LAMA2: variants seen among roughly 807,000 people sequenced by gnomAD.
LAMA2 encodes laminin subunit alpha 2.
Under a neutral mutation model 364.8 loss-of-function variants are expected in LAMA2, and 269 were observed. That is an observed-to-expected ratio of 0.74 (90% CI 0.67 to 0.82). LAMA2 has a LOEUF of 0.82. Among genes scored for constraint, LAMA2 ranks in the 40% least tolerant of loss-of-function variants. The pLI is 0.00. For missense variants in LAMA2, 3,807 were observed against 3,873.2 expected (o/e 0.98, Z 0.45); for synonymous variants, 1,379 against 1,370.6 (o/e 1.01, Z -0.14).
chr6:129,230,696 A>G (rs192269330), intron 12 of LAMA2, among the ~76,000 whole-genome samples: 137 of 152,246 alleles, frequency 9.0e-4, no homozygotes, highest in Non-Finnish European at 1.1e-3. Context: ...AAGCAAGGTC[A>G]GTCAACAGGT....
At chr6:129,139,516 T>C (rs1583116123) in intron 4 of LAMA2, among the ~76,000 whole-genome samples, 1 of 152,282 alleles carries the variant, frequency 6.6e-6, no homozygotes, top group East Asian at 1.9e-4. Flanking sequence ...ATAGGTTATA[T>C]GCACATACTA....
chr6:129,441,029 C>G (rs745885337), intron 43 of LAMA2, 31 bp downstream of exon 43: 272 of 1,567,926 alleles, frequency 1.7e-4, no homozygotes, highest in Non-Finnish European at 2.2e-4. Flanking sequence ...GTGATGATGT[C>G]ATTTATTTCC....
At chr6:129,330,744 A>G (rs1775598380) in intron 29 of LAMA2, among the ~76,000 whole-genome samples, 1 of 151,764 alleles carries the variant, frequency 6.6e-6, no homozygotes, top group African/African-American at 2.4e-5. Context: ...TAACCAGCTT[A>G]ATAGTCATGA....
intron 56 of LAMA2, among the ~76,000 whole-genome samples, chr6:129,488,486 C>G (rs1784706780): frequency 6.6e-6 from 1 of 152,098 alleles, no homozygotes; most frequent in African/African-American, 2.4e-5. Flanking sequence ...GTCCTTTTAA[C>G]AGGTGCTTCT....
rs1774319003 is a variant in LAMA2, at chr6:129,312,916, G to A, written c.3230G>A (p.Gly1077Asp). The change falls in exon 23 of 65, where the codon GGC becomes GAC. Residue 1077 changes from glycine (G) to aspartate (D), a missense_variant. Around this residue, in one of 3 missense-constraint regions of LAMA2, gnomAD observed 3,333 missense variants for 3,345.7 expected, o/e 1.00. Coordinates refer to ENST00000421865, the MANE Select transcript of LAMA2 (RefSeq NM_000426.4). ...GATTTCCAATGCAATGTAAATACAGGCCAATGCAACTGTCATCCAAAATTC... is the reference window on the plus strand; with the variant it reads ...GATTTCCAATGCAATGTAAATACAGACCAATGCAACTGTCATCCAAAATTC... Reference protein sequence around the residue: ...SLDFQCNVNTGQCNCHPKFSG... With the variant: ...SLDFQCNVNTDQCNCHPKFSG... 6.2e-7 allele frequency: 1 copy of A among 1,614,162 alleles called. No homozygotes were observed. Among genetic ancestry groups the A allele is most frequent in the South Asian group, 1.1e-5 (1 of 91,076 alleles).
chr6:129,219,421 A>G (rs1783643801), intron 12 of LAMA2, among the ~76,000 whole-genome samples: 2 of 151,790 alleles, frequency 1.3e-5, no homozygotes, highest in African/African-American at 4.8e-5. Flanking sequence ...CAGTGTGGTG[A>G]TTCCTCAGGG....
chr6:129,036,954 A>G (rs1315023721), intron 1 of LAMA2, among the ~76,000 whole-genome samples: 1 of 152,230 alleles, frequency 6.6e-6, no homozygotes, highest in East Asian at 1.9e-4. Context: ...TCTGCAGTGC[A>G]CAGCTGGAAA....
intron 12 of LAMA2, among the ~76,000 whole-genome samples, chr6:129,222,711 A>G (rs1425187561): frequency 6.6e-6 from 1 of 152,068 alleles, no homozygotes; most frequent in East Asian, 1.9e-4. Context: ...CATGGTGTAT[A>G]CATGCCACAT....
chr6:129,228,045 C>T (rs1784435097), intron 12 of LAMA2, among the ~76,000 whole-genome samples: 1 of 152,190 alleles, frequency 6.6e-6, no homozygotes, highest in African/African-American at 2.4e-5. Context: ...GCCCCTCTCC[C>T]AACCTTGCTG....
intron 1 of LAMA2, among the ~76,000 whole-genome samples, chr6:128,918,096 G>A (rs1358960701): frequency 6.6e-6 from 1 of 152,004 alleles, no homozygotes; most frequent in African/African-American, 2.4e-5. Flanking sequence ...TTGTTATAAA[G>A]TGGTATGGGT....
intron 4 of LAMA2, among the ~76,000 whole-genome samples, chr6:129,126,757 A>T (rs1321492230): frequency 6.6e-6 from 1 of 152,234 alleles, no homozygotes; most frequent in Non-Finnish European, 1.5e-5. Context: ...AGCATATATC[A>T]TAGTGACATA....
Position 129,121,142 on chromosome 6 carries a change from C to T in LAMA2, c.639+22727C>T, listed in dbSNP as rs189443330. 2.2e-3 allele frequency among the ~76,000 whole-genome samples: 328 copies of T among 152,218 alleles called. 2 individuals are homozygous for T. Among genetic ancestry groups the T allele is most frequent in the African/African-American group, 7.5e-3 (311 of 41,522 alleles). On this transcript the variant is annotated intron_variant, in intron 4 of 64. Coordinates refer to ENST00000421865, the MANE Select transcript of LAMA2 (RefSeq NM_000426.4). ...ACAAAGACCTCCTTCTCCATTGTCC[C>T]GCACTGATGGTGGGCTTGGGATGTA...
Position 129,328,420 on chromosome 6 carries a change from T to C in LAMA2, c.4311+8T>C, listed in dbSNP as rs752427126. On this transcript the variant is annotated splice_region_variant and intron_variant, in intron 29 of 64. Coordinates refer to ENST00000421865, the MANE Select transcript of LAMA2 (RefSeq NM_000426.4). ...GAAACATCGATATGCCAGGTAGTCC[T>C]CTGAGCCTTCCTTGAACAAGGTCCA... 1.9e-6 allele frequency: 3 copies of C among 1,614,142 alleles called. No individual in the cohort carries two copies. Among genetic ancestry groups the C allele is most frequent in the African/African-American group, 2.7e-5 (2 of 75,042 alleles).
Position 129,252,236 on chromosome 6 carries a change from G to A in LAMA2, c.2037G>A (p.Ala679=). ...GAAAGGAATTTATGACAGTGCTTGC[G>A]AATTTGAAGAGAGTCCTCCTACAAA... is the stretch of plus-strand genomic sequence containing the variant. ...VRRKEFMTVL[A]NLKRVLLQIT... Residue 679 remains alanine, a synonymous_variant, in exon 14 of 65, where the codon GCG becomes GCA. Coordinates refer to ENST00000421865, the MANE Select transcript of LAMA2 (RefSeq NM_000426.4). 2 of 1,614,042 alleles carry A rather than the reference G, an allele frequency of 1.2e-6. No individual in the cohort carries two copies. Among genetic ancestry groups the A allele is most frequent in the African/African-American group, 2.7e-5 (2 of 75,018 alleles).
At chr6:129,314,565 A>G (rs1421685878) in intron 23 of LAMA2, 90 bp from the exon 24 acceptor site, 2 of 1,235,358 alleles carry the variant, frequency 1.6e-6, no homozygotes, top group Non-Finnish European at 2.3e-6. Flanking sequence ...AAATTTTTTA[A>G]AAAGAGTATG....
chr6:129,192,721 C>T lies in LAMA2; in HGVS notation c.1650C>T (p.Gly550=), dbSNP rs899353. 2.3e-4 allele frequency: 365 copies of T among 1,614,178 alleles called. 2 individuals are homozygous for T. The African/African-American group carries it at 3.9e-3, about 17-fold the overall frequency. ...MSGWYLTDLP[G]RIRVAPQQDD... ...GCTGGTATCTGACTGACCTTCCTGG[C>T]CGCATTCGAGTGGCTCCCCAGCAGG... Residue 550 remains glycine, a synonymous_variant, in exon 12 of 65, where the codon GGC becomes GGT. Transcript: ENST00000421865.
chr6:129,292,946 G>A, intron 20 of LAMA2: 1 of 985,918 alleles, frequency 1.0e-6, no homozygotes, highest in Non-Finnish European at 1.2e-6. Context: ...ACCTCGGCAG[G>A]CAGGTGCACC....
chr6:129,206,735 A>G (rs1049316452), intron 12 of LAMA2, among the ~76,000 whole-genome samples: 9 of 152,146 alleles, frequency 5.9e-5, no homozygotes, highest in Non-Finnish European at 1.2e-4. Flanking sequence ...CTCCCTCTAT[A>G]TTAGCTGTGT....
intron 12 of LAMA2, among the ~76,000 whole-genome samples, chr6:129,233,470 T>C (rs1784799193): frequency 6.6e-6 from 1 of 152,196 alleles, no homozygotes; most frequent in South Asian, 2.1e-4. Context: ...ATATGCTGTA[T>C]TCTTATAATA....
Sources: gnomAD v4.1 joint callset for allele counts (sites outside exome capture counted in the v4.1 genomes callset) on GRCh38, gnomAD v4.1.1 for gene constraint, gnomAD v4.1.1 regional missense constraint, MANE v1.5 for transcripts, NCBI Gene and HGNC (gene_info 2026-07-23, HGNC 2026-07-21) for gene names.